NXPE2: variants seen among roughly 807,000 people sequenced by gnomAD.
NXPE2 encodes the protein neurexophilin and PC-esterase domain family member 2, also known as NXPE family member 2.
NXPE2 carries 34 observed loss-of-function variants against 34.4 expected under a neutral mutation model. That is an observed-to-expected ratio of 0.99 (90% CI 0.75 to 1.31). The LOEUF (loss-of-function observed/expected upper bound fraction) is 1.31. Among genes scored for constraint, NXPE2 ranks in the 40% most tolerant of loss-of-function variants. The probability of loss-of-function intolerance (pLI) is 0.00; values close to 1 mark genes in which losing one functional copy is unlikely to be tolerated. For missense variants in NXPE2, 649 were observed against 672.5 expected, an observed-to-expected ratio of 0.97 and a Z score of 0.39; for synonymous variants, 235 against 231.3, an observed-to-expected ratio of 1.02 and a Z score of -0.15.
the NXPE2 span, among the ~76,000 whole-genome samples, chr11:114,743,846 C>A: frequency 6.6e-6 from 1 of 150,376 alleles, no homozygotes; most frequent in Non-Finnish European, 1.5e-5. Context: ...TGTATATATA[C>A]ATATGTGTGT....
the NXPE2 span, among the ~76,000 whole-genome samples, chr11:114,571,740 C>G: frequency 6.6e-6 from 1 of 152,164 alleles, no homozygotes; most frequent in South Asian, 2.1e-4. Context: ...AGACTCACAT[C>G]ATGAACTTCT....
chr11:114,537,001 C>A, the NXPE2 span, among the ~76,000 whole-genome samples: 1 of 152,162 alleles, frequency 6.6e-6, no homozygotes, highest in East Asian at 1.9e-4. Flanking sequence ...AGACCAATAT[C>A]CTTGATGAAC....
the NXPE2 span, among the ~76,000 whole-genome samples, chr11:114,514,317 C>G: frequency 1.3e-5 from 2 of 152,084 alleles, no homozygotes; most frequent in Non-Finnish European, 2.9e-5. Flanking sequence ...GTATTTGCAT[C>G]CTGGAAATGG....
the NXPE2 span, among the ~76,000 whole-genome samples, chr11:114,799,324 A>G: frequency 5.4e-5 from 8 of 148,544 alleles, no homozygotes; most frequent in Admixed American, 1.3e-4. Context: ...AATTGGTGGC[A>G]TCAGTTAAGA....
the NXPE2 span, among the ~76,000 whole-genome samples, chr11:114,650,395 G>A: frequency 6.6e-6 from 1 of 152,208 alleles, no homozygotes; most frequent in African/African-American, 2.4e-5. Context: ...ATCCTCCACT[G>A]CTATTTATGA....
At chr11:114,792,573 TC>T in the NXPE2 span, among the ~76,000 whole-genome samples, 1 of 152,190 alleles carries the variant, frequency 6.6e-6, no homozygotes, top group East Asian at 1.9e-4. Flanking sequence ...ACTGTAATCC[TC>T]AAGGGAAGTA....
chr11:114,580,008 A>C, the NXPE2 span: 5 of 787,816 alleles, frequency 6.3e-6, no homozygotes, highest in African/African-American at 8.6e-5. Context: ...CTTGTGAAAA[A>C]TTTTGGTGTG....
At chr11:114,496,562 G>A in the NXPE2 span, among the ~76,000 whole-genome samples, 28 of 152,210 alleles carry the variant, frequency 1.8e-4, no homozygotes, top group African/African-American at 6.0e-4. Context: ...GATCACAGGA[G>A]GCTTCCATTT....
At chr11:114,648,831 A>G in the NXPE2 span, among the ~76,000 whole-genome samples, 9 of 152,218 alleles carry the variant, frequency 5.9e-5, no homozygotes, top group African/African-American at 1.9e-4. Flanking sequence ...TAAATACTTG[A>G]TATCTTATAA....
At chr11:114,788,339 G>A in the NXPE2 span, among the ~76,000 whole-genome samples, 1 of 152,306 alleles carries the variant, frequency 6.6e-6, no homozygotes, top group African/African-American at 2.4e-5. Flanking sequence ...GCAGGGCCAT[G>A]GTCAGAGGAG....
the NXPE2 span, among the ~76,000 whole-genome samples, chr11:114,666,542 G>A: frequency 6.6e-6 from 1 of 151,940 alleles, no homozygotes; most frequent in African/African-American, 2.4e-5. Context: ...TTCAGAAATG[G>A]TAAAATGGCA....
At chr11:114,573,142 T>C in the NXPE2 span, among the ~76,000 whole-genome samples, 68 of 152,216 alleles carry the variant, frequency 4.5e-4, 2 homozygotes, top group Middle Eastern at 6.8e-3. Context: ...AGATAGTCTT[T>C]TCGAGACAAA....
chr11:114,533,434 G>A, the NXPE2 span, among the ~76,000 whole-genome samples: 1 of 152,194 alleles, frequency 6.6e-6, no homozygotes, highest in Non-Finnish European at 1.5e-5. Context: ...GCCGGACAGT[G>A]GGTGCAGGAC....
chr11:114,551,385 A>G, the NXPE2 span: 1 of 1,373,368 alleles, frequency 7.3e-7, no homozygotes, highest in East Asian at 2.7e-5. Flanking sequence ...TTGTCTACCT[A>G]TTGGATACTT....
intron 2 of NXPE2, among the ~76,000 whole-genome samples, chr11:114,693,147 C>T (rs1395097511): frequency 2.0e-5 from 3 of 152,202 alleles, no homozygotes; most frequent in Non-Finnish European, 2.9e-5. Context: ...GCACACTTTG[C>T]CTTTGTCAGG....
chr11:114,550,646 T>C, the NXPE2 span, among the ~76,000 whole-genome samples: 1 of 152,170 alleles, frequency 6.6e-6, no homozygotes, highest in Admixed American at 6.5e-5. Context: ...TGAATACCTG[T>C]ATAATCTTTG....
At chr11:114,479,143 G>A in the NXPE2 span, among the ~76,000 whole-genome samples, 9 of 152,240 alleles carry the variant, frequency 5.9e-5, no homozygotes, top group East Asian at 1.5e-3. Context: ...TGATTCTTTC[G>A]GTTTGGTGCA....
At chr11:114,744,117 T>C in the NXPE2 span, among the ~76,000 whole-genome samples, 2 of 152,174 alleles carry the variant, frequency 1.3e-5, no homozygotes, top group African/African-American at 4.8e-5. Flanking sequence ...TCTTTCCTTA[T>C]TAAATTGTTC....
chr11:114,644,908 G>T, the NXPE2 span, among the ~76,000 whole-genome samples: 8 of 151,490 alleles, frequency 5.3e-5, no homozygotes, highest in Admixed American at 2.0e-4. Context: ...TAAAAGCGCA[G>T]AACTCAATCT....
Sources: allele counts gnomAD v4.1 joint callset (sites outside exome capture counted in the v4.1 genomes callset), GRCh38; gene constraint gnomAD v4.1.1; transcripts MANE v1.5; gene names NCBI Gene and HGNC (gene_info 2026-07-23, HGNC 2026-07-21).